Variants in DHX36 observed in about 807,000 individuals in gnomAD.
The protein encoded by DHX36 is DEAH-box helicase 36.
Under a neutral mutation model 139.0 loss-of-function variants are expected in DHX36, and 50 were observed. The observed-to-expected ratio is 0.36, with a 90% CI of 0.29 to 0.46. The LOEUF is 0.46. Ranked by LOEUF, DHX36 falls within the 20% of genes least tolerant of loss-of-function variation. The probability of loss-of-function intolerance (pLI) is 1.00; values close to 1 mark genes in which losing one functional copy is unlikely to be tolerated. For missense variants in DHX36, 1,024 were observed against 1,211.3 expected (o/e 0.85, Z 2.29); for synonymous variants, 425 against 401.9 (o/e 1.06, Z -0.69).
intron 6 of DHX36, 91 bp downstream of exon 6, chr3:154,306,125 A>T: frequency 1.0e-6 from 1 of 985,662 alleles, no homozygotes; most frequent in Non-Finnish European, 1.6e-6. Context: ...AATAACCATC[A>T]TAAAAATGGG....
At chr3:154,294,573 C>A (rs556915112) in intron 13 of DHX36, among the ~76,000 whole-genome samples, 3 of 152,236 alleles carry the variant, frequency 2.0e-5, no homozygotes, top group East Asian at 3.9e-4. Flanking sequence ...AGTTTTCTTT[C>A]TTGCCCCCTC....
chr3:154,320,090 G>A (rs1713132797), intron 1 of DHX36, among the ~76,000 whole-genome samples: 1 of 152,108 alleles, frequency 6.6e-6, no homozygotes, highest in Admixed American at 6.5e-5. Context: ...GACATTCTCT[G>A]CTCTTACATC....
intron 20 of DHX36, among the ~76,000 whole-genome samples, chr3:154,282,488 G>A (rs920676478): frequency 4.0e-5 from 6 of 151,026 alleles, no homozygotes; most frequent in African/African-American, 1.5e-4. Flanking sequence ...TCCATATTAT[G>A]AAACAGTTTA....
intron 13 of DHX36, among the ~76,000 whole-genome samples, chr3:154,294,977 G>A (rs951639200): frequency 1.3e-5 from 2 of 152,164 alleles, no homozygotes; most frequent in Admixed American, 1.3e-4. Flanking sequence ...GTTACTTTTA[G>A]TAGTACTCAC....
At chr3:154,320,257 T>C (rs1402372401) in intron 1 of DHX36, among the ~76,000 whole-genome samples, 1 of 152,158 alleles carries the variant, frequency 6.6e-6, no homozygotes, top group Non-Finnish European at 1.5e-5. Flanking sequence ...CCTCAGCCTG[T>C]CCTTAAATTT....
At chr3:154,320,137 T>C (rs1412893377) in intron 1 of DHX36, among the ~76,000 whole-genome samples, 1 of 152,234 alleles carries the variant, frequency 6.6e-6, no homozygotes, top group African/African-American at 2.4e-5. Context: ...TACTTCTTGT[T>C]GATACGCTCT....
chr3:154,312,885 ATATATATATATAT>A (rs1559958775), intron 3 of DHX36, among the ~76,000 whole-genome samples: 5 of 115,492 alleles, frequency 4.3e-5, no homozygotes, highest in African/African-American at 7.4e-5. Flanking sequence ...ATATATATAT[ATATATATATATAT>A]ATAAAATAAA....
chr3:154,297,769 T>C (rs1712100743), intron 12 of DHX36, among the ~76,000 whole-genome samples: 1 of 151,726 alleles, frequency 6.6e-6, no homozygotes, highest in Non-Finnish European at 1.5e-5. Flanking sequence ...TTATAAAAAG[T>C]TTAAAAGTTA....
chr3:154,281,000 G>A (rs1214673018), intron 20 of DHX36, 138 bp from the exon 21 acceptor site: 4 of 654,174 alleles, frequency 6.1e-6, no homozygotes, highest in Non-Finnish European at 1.0e-5. Flanking sequence ...TTAAAGCAAG[G>A]GTTGGCAAAC....
At chr3:154,292,726 AACACACAC>A (rs58416816) in intron 14 of DHX36, 32 bp from the exon 15 acceptor site, 85,067 of 1,468,870 alleles carry the variant, frequency 0.058, 401 homozygotes, top group Non-Finnish European at 0.067. Flanking sequence ...AAAATGTTAA[AACACACAC>A]ACACACACAC....
intron 1 of DHX36, among the ~76,000 whole-genome samples, chr3:154,321,330 TATGGC>T (rs1460940568): frequency 4.6e-5 from 7 of 152,214 alleles, no homozygotes; most frequent in Non-Finnish European, 1.0e-4. Flanking sequence ...ATCTCTATGT[TATGGC>T]ACATGCTACT....
intron 5 of DHX36, among the ~76,000 whole-genome samples, chr3:154,309,005 T>C (rs1309456354): frequency 2.0e-5 from 3 of 151,928 alleles, no homozygotes; most frequent in Non-Finnish European, 4.4e-5. Context: ...ATGGGCAACA[T>C]GGCAAAACCC....
intron 8 of DHX36, among the ~76,000 whole-genome samples, chr3:154,303,817 C>T (rs1223933896): frequency 1.3e-5 from 2 of 152,052 alleles, no homozygotes; most frequent in Admixed American, 6.6e-5. Context: ...CCGGAATTAG[C>T]GGAGAAAGGT....
chr3:154,319,398 A>G (rs1713105778), intron 1 of DHX36: 1 of 152,076 alleles, frequency 6.6e-6, no homozygotes, highest in African/African-American at 2.4e-5. Flanking sequence ...ACAGGCCAAT[A>G]CCACCCTTTT....
At chr3:154,301,560 T>C (rs1407552812) in intron 9 of DHX36, among the ~76,000 whole-genome samples, 2 of 152,152 alleles carry the variant, frequency 1.3e-5, no homozygotes, top group African/African-American at 4.8e-5. Flanking sequence ...CTTGGGTCTG[T>C]TAATCTAAGA....
chr3:154,304,815 C>G lies in DHX36; in HGVS notation c.1126G>C (p.Glu376Gln). 1 of 1,557,290 alleles carries G rather than the reference C, an allele frequency of 6.4e-7. No individual in the cohort carries two copies. Among genetic ancestry groups the G allele is most frequent in the Non-Finnish European group, 8.6e-7 (1 of 1,157,636 alleles). ...SATLNAEKFS[E>Q]YFGNCPMIHI... ...TATACATTTTACTCACCAAAATATT[C>G]TGAAAACTTTTCTGCATTCAATGTT... The change falls in exon 8 of 25, where the codon GAA becomes CAA. Residue 376 changes from glutamate (E) to glutamine (Q), a missense_variant. This residue lies in a region of DHX36 where 146 missense variants were observed against 215.0 expected (regional missense o/e 0.68). Transcript: ENST00000496811.
chr3:154,300,378 T>G (rs1712220342), intron 11 of DHX36, among the ~76,000 whole-genome samples: 4 of 152,222 alleles, frequency 2.6e-5, no homozygotes, highest in Non-Finnish European at 5.9e-5. Flanking sequence ...AAGCTCACTT[T>G]TAAAAAATGA....
Position 154,315,270 on chromosome 3 carries a change from C to T in DHX36, c.379G>A (p.Glu127Lys), listed in dbSNP as rs1412418114. 2 of 1,609,886 alleles carry T rather than the reference C, an allele frequency of 1.2e-6. No homozygotes were observed. Among genetic ancestry groups the T allele is most frequent in the South Asian group, 1.1e-5 (1 of 89,984 alleles). ...FAPEDHGYGT[E>K]VSTKNTPCSE... ...CATGGTGTGTTCTTAGTAGAAACTTCAGTACCGTATCTGTTTTGACAAAAT... is the reference window on the plus strand; with the variant it reads ...CATGGTGTGTTCTTAGTAGAAACTTTAGTACCGTATCTGTTTTGACAAAAT... The change falls in exon 3 of 25, where the codon GAA (glutamate) becomes AAA (lysine). Residue 127 changes from glutamate (E) to lysine (K), a missense_variant. Physicochemically the swap from Glu to Lys is moderately conservative, Grantham distance 56. Around this residue, in one of 4 missense-constraint regions of DHX36, gnomAD observed 293 missense variants for 274.4 expected, o/e 1.07. Transcript: ENST00000496811.
chr3:154,313,192 C>G (rs1290850706), intron 3 of DHX36, among the ~76,000 whole-genome samples: 5 of 151,954 alleles, frequency 3.3e-5, no homozygotes, highest in African/African-American at 1.2e-4. Flanking sequence ...AGCTATCCCA[C>G]TGCATTTCAA....
Sources: allele counts gnomAD v4.1 joint callset (sites outside exome capture counted in the v4.1 genomes callset), GRCh38; gene constraint gnomAD v4.1.1; regional missense constraint gnomAD v4.1.1; transcripts MANE v1.5; gene names NCBI Gene and HGNC (gene_info 2026-07-23, HGNC 2026-07-21).